The following WDR59 variants were observed in gnomAD, a reference collection of about 807,000 sequenced individuals.
The protein encoded by WDR59 is WD repeat domain 59, also known as GATOR2 complex protein WDR59.
In WDR59, 100 loss-of-function variants were observed where a neutral mutation model predicts 131.2. The ratio of observed to expected loss-of-function variants is 0.76; its 90% confidence interval spans 0.65 to 0.90. The LOEUF is 0.90. Ranked by LOEUF, WDR59 falls within the 40% of genes least tolerant of loss-of-function variation. The pLI is 0.00. For missense variants in WDR59, 1,203 were observed against 1,262.2 expected (o/e 0.95, Z 0.71); for synonymous variants, 601 against 466.2 (o/e 1.29, Z -3.72).
chr16:74,906,312 T>TAAAAAAAAAAAAAA (rs1965814350), intron 17 of WDR59, among the ~76,000 whole-genome samples: 1 of 340 alleles, frequency 2.9e-3, no homozygotes, highest in Non-Finnish European at 8.2e-3. Context: ...AGACTCCGTC[T>TAAAAAAAAAAAAAA]CAAAAAAAAA....
At chr16:74,941,338 C>T in intron 7 of WDR59, among the ~76,000 whole-genome samples, 1 of 104,368 alleles carries the variant, frequency 9.6e-6, no homozygotes, top group African/African-American at 3.7e-5. Context: ...GAGGCTCCAT[C>T]TCAAAAAAAA....
chr16:74,967,289 C>T (rs1410327212), intron 1 of WDR59, among the ~76,000 whole-genome samples: 1 of 152,160 alleles, frequency 6.6e-6, no homozygotes, highest in Non-Finnish European at 1.5e-5. Context: ...GAAGGAAAGG[C>T]AGGCAGTGAA....
At chr16:74,887,557 C>T (rs1320131971) in intron 23 of WDR59, 126 bp downstream of exon 23, 1 of 901,002 alleles carries the variant, frequency 1.1e-6, no homozygotes, top group Non-Finnish European at 1.7e-6. Flanking sequence ...ATCCCTATCA[C>T]AGTAAATGTA....
chr16:74,932,397 T>C (rs984803890), intron 8 of WDR59, among the ~76,000 whole-genome samples: 1 of 151,278 alleles, frequency 6.6e-6, no homozygotes, highest in Non-Finnish European at 1.5e-5. Context: ...GCCAAGAGTA[T>C]CTTTTGAAAA....
At chr16:74,946,596 C>T (rs2032655542) in intron 6 of WDR59, among the ~76,000 whole-genome samples, 1 of 152,002 alleles carries the variant, frequency 6.6e-6, no homozygotes, top group African/African-American at 2.4e-5. Context: ...GTGGTGCGCA[C>T]CTGTAATCCC....
chr16:74,889,426 C>A (rs1040552632), intron 21 of WDR59, among the ~76,000 whole-genome samples: 5 of 152,140 alleles, frequency 3.3e-5, no homozygotes, highest in Admixed American at 6.5e-5. Context: ...TGTATTCAGA[C>A]TGATGTGATT....
intron 18 of WDR59, chr16:74,899,878 AC>A: frequency 1.4e-6 from 1 of 719,512 alleles, no homozygotes; most frequent in South Asian, 1.6e-5. Context: ...ACCATAATAC[AC>A]TGTACAGTTG....
In WDR59 at chr16:74,953,918, C is replaced by T. The variant is rs1160098923; in HGVS notation, c.241-2375G>A. Among the ~76,000 whole-genome samples, 5 of 151,304 alleles carry T rather than the reference C, an allele frequency of 3.3e-5. No homozygotes were observed. The East Asian group carries it at 7.9e-4, about 24-fold the overall frequency. ...TTGGGAGGCTGAGGCAGGAGAATGG[C>T]GTGAACCCGGGAGGTGGAGCTTGCA... On this transcript the variant is annotated intron_variant, in intron 3 of 25. Coordinates refer to ENST00000262144, the MANE Select transcript of WDR59 (RefSeq NM_030581.4).
rs372404261 is a variant in WDR59 at position 74,874,350 on chromosome 16, G to A, written c.2784C>T (p.His928=). 3.7e-5 allele frequency: 60 copies of A among 1,614,030 alleles called. No individual in the cohort carries two copies. Among genetic ancestry groups the A allele is most frequent in the South Asian group, 8.8e-5 (8 of 91,088 alleles). The change falls in exon 26 of 26, where the codon CAC becomes CAT. Residue 928 remains histidine (H), a synonymous_variant. Coordinates refer to ENST00000262144, the MANE Select transcript of WDR59 (RefSeq NM_030581.4). The stretch of plus-strand genomic sequence containing the variant: ...AATTGGACGATCCCCGCACAGCCAC[G>A]TGACAGATGGCACACTGGAACGTGA... The part of the protein sequence containing the change: ...KGFTFQCAIC[H]VAVRGSSNFC...
intron 2 of WDR59, chr16:74,959,342 G>C (rs560181367): frequency 3.6e-6 from 1 of 281,136 alleles, no homozygotes; most frequent in African/African-American, 2.3e-5. Context: ...ACAGGGCCTG[G>C]TTCCCACCTG....
chr16:74,875,759 C>A (rs923194005), intron 25 of WDR59, among the ~76,000 whole-genome samples: 2 of 152,214 alleles, frequency 1.3e-5, no homozygotes, highest in Admixed American at 6.5e-5. Context: ...CCTGCACCAC[C>A]TGGCAAAACC....
At chr16:74,948,398 CCAGA>C (rs1408255288) in intron 6 of WDR59, 117 bp downstream of exon 6, 2 of 966,068 alleles carry the variant, frequency 2.1e-6, no homozygotes, top group South Asian at 1.4e-5. Flanking sequence ...ACGGCGCAGC[CCAGA>C]CAGAGGCAGT....
rs535840598 is a variant in WDR59 at position 74,937,456 on chromosome 16, A to G, written c.651+694T>C. Among the ~76,000 whole-genome samples the G allele has an allele frequency of 2.0e-3, 299 of 152,292 alleles. 9 individuals carry two copies. The South Asian group carries it at 0.053, about 27-fold the overall frequency. On this transcript the variant is annotated intron_variant, in intron 8 of 25. Coordinates refer to ENST00000262144, the MANE Select transcript of WDR59 (RefSeq NM_030581.4). The stretch of plus-strand genomic sequence containing the variant: ...AACTGTAGACTTTTCTCCTTTACTT[A>G]TATCTGTCATACATATCTGACTTCC...
chr16:74,915,699 C>T, intron 13 of WDR59, 171 bp downstream of exon 13: 2 of 857,092 alleles, frequency 2.3e-6, no homozygotes, highest in Admixed American at 2.6e-5. Context: ...GCTGGGATTA[C>T]AGGCGTGAGC....
intron 7 of WDR59, among the ~76,000 whole-genome samples, chr16:74,939,464 T>G (rs1369811538): frequency 1.3e-5 from 2 of 151,704 alleles, no homozygotes; most frequent in African/African-American, 4.8e-5. Context: ...GAGCTTATAG[T>G]ACGAGGATAA....
At chr16:74,967,844 C>T (rs1434309610) in intron 1 of WDR59, among the ~76,000 whole-genome samples, 2 of 125,888 alleles carry the variant, frequency 1.6e-5, no homozygotes, top group South Asian at 2.7e-4. Flanking sequence ...GGCAATAAAG[C>T]GAGACTCGGT....
intron 1 of WDR59, among the ~76,000 whole-genome samples, chr16:74,968,801 A>G (rs923259152): frequency 6.6e-6 from 1 of 152,172 alleles, no homozygotes; most frequent in African/African-American, 2.4e-5. Flanking sequence ...TATTTAAAAA[A>G]AAGAAAAACT....
At position 74,915,867 on chromosome 16, in the gene WDR59, T is replaced by C. The variant is rs748886587; in HGVS notation, c.1224+3A>G. 1 of 1,614,198 alleles carries C rather than the reference T, an allele frequency of 6.2e-7. No homozygotes were observed. Among genetic ancestry groups the C allele is most frequent in the Non-Finnish European group, 8.5e-7 (1 of 1,180,014 alleles). ...ATGAGATACAGTTGATTAAACTAAG[T>C]ACCTCCACATTGACATTCCGGATTT... is the stretch of plus-strand genomic sequence containing the variant. On this transcript the variant is annotated splice_donor_region_variant and intron_variant, in intron 13 of 25. Transcript: ENST00000262144.
At chr16:74,981,573 T>C (rs1238317056) in intron 1 of WDR59, among the ~76,000 whole-genome samples, 1 of 143,798 alleles carries the variant, frequency 7.0e-6, no homozygotes, top group African/African-American at 2.6e-5. Flanking sequence ...TATATACATA[T>C]ATATTTTTTG....
Sources: allele counts gnomAD v4.1 joint callset (sites outside exome capture counted in the v4.1 genomes callset), GRCh38; gene constraint gnomAD v4.1.1; transcripts MANE v1.5; gene names NCBI Gene and HGNC (gene_info 2026-07-23, HGNC 2026-07-21).